The following TMEM178A variants were observed in gnomAD, a reference collection of about 807,000 sequenced individuals.
TMEM178A encodes the protein transmembrane protein 178A, also known as transmembrane protein 178.
Under a neutral mutation model 29.1 loss-of-function variants are expected in TMEM178A, and 12 were observed. The ratio of observed to expected loss-of-function variants is 0.41; its 90% CI spans 0.26 to 0.67. TMEM178A has a LOEUF of 0.67. TMEM178A is among the 30% of genes least tolerant of loss of function. The pLI is 0.29. For synonymous variants in TMEM178A, 210 were observed against 187.2 expected (o/e 1.12, Z -0.99); for missense variants, 366 against 419.1 (o/e 0.87, Z 1.11).
the TMEM178A span, among the ~76,000 whole-genome samples, chr2:39,729,465 G>A: frequency 1.3e-5 from 2 of 152,160 alleles, no homozygotes; most frequent in African/African-American, 4.8e-5. Flanking sequence ...CTCAAACATT[G>A]GAAAATACGA....
chr2:39,684,003 A>G (rs1670972251), intron 1 of TMEM178A, among the ~76,000 whole-genome samples: 2 of 152,196 alleles, frequency 1.3e-5, no homozygotes, highest in South Asian at 4.1e-4. Context: ...ATTATGTATG[A>G]TCTGTTCTGT....
downstream of TMEM178A, among the ~76,000 whole-genome samples, chr2:39,722,851 G>C (rs1170614765): frequency 1.3e-5 from 2 of 152,330 alleles, no homozygotes; most frequent in East Asian, 1.9e-4. Context: ...CCACTGCCTT[G>C]AGTGTGGGTG....
chr2:39,733,669 TTC>T, the TMEM178A span, among the ~76,000 whole-genome samples: 1 of 152,240 alleles, frequency 6.6e-6, no homozygotes, highest in Non-Finnish European at 1.5e-5. Context: ...AGATTGGTGT[TTC>T]TGTTAGTGTT....
chr2:39,706,389 G>A (rs1672035655), intron 2 of TMEM178A, among the ~76,000 whole-genome samples: 1 of 152,186 alleles, frequency 6.6e-6, no homozygotes, highest in Non-Finnish European at 1.5e-5. Flanking sequence ...TCAGAGGAAA[G>A]GGTGTTTATG....
At chr2:39,706,214 T>C (rs956550360) in intron 2 of TMEM178A, among the ~76,000 whole-genome samples, 6 of 151,962 alleles carry the variant, frequency 3.9e-5, no homozygotes, top group African/African-American at 1.5e-4. Context: ...GTGATCACAG[T>C]TGTGTTTTTG....
chr2:39,725,159 C>T, the TMEM178A span, among the ~76,000 whole-genome samples: 2 of 152,102 alleles, frequency 1.3e-5, no homozygotes. Flanking sequence ...CGAGGGTGAG[C>T]TAGAGGGACA....
At chr2:39,709,587 G>A (rs1672212277) in intron 3 of TMEM178A, among the ~76,000 whole-genome samples, 1 of 152,180 alleles carries the variant, frequency 6.6e-6, no homozygotes, top group Non-Finnish European at 1.5e-5. Context: ...GAACCAGAGA[G>A]GACTGCACTG....
chr2:39,692,874 T>G (rs1671382273), intron 1 of TMEM178A, among the ~76,000 whole-genome samples: 1 of 152,220 alleles, frequency 6.6e-6, no homozygotes, highest in Non-Finnish European at 1.5e-5. Context: ...TGCATGATGC[T>G]TCTTACATAC....
the TMEM178A span, among the ~76,000 whole-genome samples, chr2:39,729,996 C>A: frequency 2.6e-5 from 4 of 152,132 alleles, no homozygotes; most frequent in African/African-American, 7.2e-5. Flanking sequence ...TCCAAAAAAA[C>A]CTTCGTCTCA....
chr2:39,691,382 T>G (rs1360652631), intron 1 of TMEM178A, among the ~76,000 whole-genome samples: 2 of 152,162 alleles, frequency 1.3e-5, no homozygotes, highest in Non-Finnish European at 2.9e-5. Context: ...CAGGAAAGCA[T>G]GGGGCAATAT....
chr2:39,716,176 C>T (rs930628936), intron 3 of TMEM178A, among the ~76,000 whole-genome samples: 2 of 152,198 alleles, frequency 1.3e-5, no homozygotes, highest in Non-Finnish European at 2.9e-5. Flanking sequence ...TGATCCTCTG[C>T]CTATCCAAAA....
chr2:39,724,424 C>A, the TMEM178A span, among the ~76,000 whole-genome samples: 1 of 152,146 alleles, frequency 6.6e-6, no homozygotes, highest in Non-Finnish European at 1.5e-5. Context: ...TTTAAGAAGC[C>A]TGAAAATCAC....
At chr2:39,672,143 A>C (rs569429081) in intron 1 of TMEM178A, among the ~76,000 whole-genome samples, 20 of 152,198 alleles carry the variant, frequency 1.3e-4, no homozygotes, top group Non-Finnish European at 1.6e-4. Context: ...TAACATCATG[A>C]AGGTTATCTT....
intron 1 of TMEM178A, among the ~76,000 whole-genome samples, chr2:39,686,956 C>T (rs1051683224): frequency 7.3e-6 from 1 of 137,522 alleles, no homozygotes; most frequent in Non-Finnish European, 1.5e-5. Flanking sequence ...TATATGTGCA[C>T]ATATGCATGT....
At chr2:39,734,270 G>A in the TMEM178A span, among the ~76,000 whole-genome samples, 72 of 152,252 alleles carry the variant, frequency 4.7e-4, no homozygotes, top group African/African-American at 1.6e-3. Flanking sequence ...ATCTTACTTG[G>A]TCAGTTAGCA....
chr2:39,722,417 CTG>C (rs1558470730), downstream of TMEM178A, among the ~76,000 whole-genome samples: 1 of 152,188 alleles, frequency 6.6e-6, no homozygotes, highest in Non-Finnish European at 1.5e-5. Flanking sequence ...GAATTGAAAA[CTG>C]TAGTTGAGAA....
chr2:39,696,479 T>C (rs1671546599), intron 1 of TMEM178A, among the ~76,000 whole-genome samples: 1 of 152,164 alleles, frequency 6.6e-6, no homozygotes, highest in Non-Finnish European at 1.5e-5. Context: ...GAATTACCTC[T>C]TTCATTCCTC....
the TMEM178A span, among the ~76,000 whole-genome samples, chr2:39,725,948 CTTTGA>C: frequency 6.6e-6 from 1 of 152,164 alleles, no homozygotes; most frequent in African/African-American, 2.4e-5. Flanking sequence ...TTCATGTGTT[CTTTGA>C]TTTGTCACAT....
At chr2:39,694,629 T>A (rs1333372864) in intron 1 of TMEM178A, among the ~76,000 whole-genome samples, 1 of 152,224 alleles carries the variant, frequency 6.6e-6, no homozygotes, top group Non-Finnish European at 1.5e-5. Context: ...TTTGAAATGA[T>A]GCTTGTCTGA....
Sources: gnomAD v4.1 joint callset for allele counts (sites outside exome capture counted in the v4.1 genomes callset) on GRCh38, gnomAD v4.1.1 for gene constraint, MANE v1.5 for transcripts, NCBI Gene and HGNC (gene_info 2026-07-23, HGNC 2026-07-21) for gene names.